The following ENPP1 variants were observed in gnomAD, a reference collection of about 807,000 sequenced individuals.
The protein encoded by ENPP1 is ectonucleotide pyrophosphatase/phosphodiesterase family member 1.
ENPP1 carries 73 observed loss-of-function variants against 122.8 expected under a neutral mutation model. That is an observed-to-expected ratio of 0.59 (90% CI 0.49 to 0.72). The LOEUF (loss-of-function observed/expected upper bound fraction) is 0.72. ENPP1 is among the 30% of genes least tolerant of loss of function. The pLI is 0.00. For synonymous variants in ENPP1, 367 were observed against 391.6 expected, an observed-to-expected ratio of 0.94 and a Z score of 0.74; for missense variants, 978 against 1,128.1, an observed-to-expected ratio of 0.87 and a Z score of 1.91.
chr6:131,826,916 A>C, intron 1 of ENPP1: 1 of 392,304 alleles, frequency 2.5e-6, no homozygotes, highest in East Asian at 6.0e-5. Flanking sequence ...AATACCCAGC[A>C]TGGGATTTTT....
At chr6:131,868,869 G>A (rs1011306029) in intron 12 of ENPP1, among the ~76,000 whole-genome samples, 4 of 152,168 alleles carry the variant, frequency 2.6e-5, no homozygotes, top group South Asian at 2.1e-4. Flanking sequence ...TAGGAGCAGC[G>A]TGCCTATGGA....
intron 1 of ENPP1, among the ~76,000 whole-genome samples, chr6:131,830,504 C>T (rs71572984): frequency 0.087 from 13,212 of 152,066 alleles, 734 homozygotes; most frequent in East Asian, 0.18. Context: ...CCATCACAGG[C>T]AGGGAAAGGA....
At chr6:131,818,442 C>T (rs1193356437) in intron 1 of ENPP1, among the ~76,000 whole-genome samples, 1 of 151,852 alleles carries the variant, frequency 6.6e-6, no homozygotes, top group South Asian at 2.1e-4. Flanking sequence ...GTCAGGAGAT[C>T]GAGACCATCC....
intron 1 of ENPP1, chr6:131,819,832 G>A (rs1781461700): frequency 4.9e-6 from 2 of 409,172 alleles, no homozygotes. Context: ...GCCATTGGAG[G>A]AGGACTGGGG....
At chr6:131,869,252 A>G in intron 12 of ENPP1, 106 bp from the exon 13 acceptor site, 1 of 1,011,688 alleles carries the variant, frequency 9.9e-7, no homozygotes, top group Non-Finnish European at 1.5e-6. Context: ...TGAGTGCTAC[A>G]CCCATGTTTA....
At chr6:131,859,074 C>T (rs1463139232) in intron 7 of ENPP1, among the ~76,000 whole-genome samples, 1 of 152,082 alleles carries the variant, frequency 6.6e-6, no homozygotes, top group Admixed American at 6.5e-5. Context: ...GCCAAAAAAC[C>T]TTCCCAAACT....
intron 10 of ENPP1, 124 bp downstream of exon 10, chr6:131,864,695 A>G (rs185201893): frequency 7.3e-6 from 6 of 824,922 alleles, no homozygotes; most frequent in Middle Eastern, 3.6e-4. Flanking sequence ...TAAATTCTTT[A>G]GTAAATGATC....
chr6:131,852,685 G>A (rs193233502), intron 5 of ENPP1, among the ~76,000 whole-genome samples: 2 of 152,194 alleles, frequency 1.3e-5, no homozygotes, highest in Admixed American at 6.5e-5. Flanking sequence ...TTAGTCTTTG[G>A]TATTGAAGAA....
chr6:131,893,949 C>CTTTTTTTTTTTTTTT lies in ENPP1; in HGVS notation c.*3454_*3468dup, dbSNP rs564304453. The CTTTTTTTTTTTTTTT allele has an allele frequency of 8.4e-5, 5 of 59,498 alleles. No individual in the cohort carries two copies. Among genetic ancestry groups the CTTTTTTTTTTTTTTT allele is most frequent in the Admixed American group, 2.4e-4 (1 of 4,088 alleles). The allele number at this position is 59,498 out of a possible 1,614,324, so 3.7% of individuals were successfully genotyped here. ...GTGAAACCTTTATTTATCTTGATTT[C>CTTTTTTTTTTTTTTT]TTTTTTTTTTTTTTTTTTTTTTTTT... On this transcript the variant is annotated 3_prime_UTR_variant, in exon 25 of 25. Transcript: ENST00000647893.
chr6:131,885,046 C>CT lies in ENPP1; in HGVS notation c.2429dup (p.Leu810PhefsTer13), dbSNP rs970617965. On this transcript the variant is annotated frameshift_variant, in exon 23 of 25. Coordinates refer to ENST00000647893, the MANE Select transcript of ENPP1 (RefSeq NM_006208.3). LOFTEE classifies it high-confidence loss of function. Reference sequence around the variant, plus strand: ...TTGATTATGATGGACGTTGTGATTCCTTAGAGAATCTGAGGCAGTAAGAAC... The same window carrying CT: ...TTGATTATGATGGACGTTGTGATTCCTTTAGAGAATCTGAGGCAGTAAGAAC... The CT allele has an allele frequency of 1.2e-6, 2 of 1,613,780 alleles. No homozygotes were observed. Among genetic ancestry groups the CT allele is most frequent in the African/African-American group, 2.7e-5 (2 of 74,862 alleles).
Position 131,867,981 on chromosome 6 carries a change from G to A in ENPP1, c.1165-37G>A, listed in dbSNP as rs759264729. ...TTATGTATAAATAGCCATTAGTGTG[G>A]AAGGTATCACATGAGGTTGTTGCTT... On this transcript the variant is annotated intron_variant, in intron 11 of 24. Coordinates refer to ENST00000647893, the MANE Select transcript of ENPP1 (RefSeq NM_006208.3). 2.6e-5 allele frequency: 33 copies of A among 1,254,974 alleles called. 1 individual carries two copies. The highest frequency in any genetic ancestry group is 1.9e-4 in the Middle Eastern group (1 of 5,360). 77.7% of individuals were successfully genotyped at this position (1,254,974 alleles called of 1,614,324 possible).
intron 1 of ENPP1, chr6:131,826,828 G>A (rs966600324): frequency 2.8e-5 from 11 of 390,448 alleles, no homozygotes; most frequent in African/African-American, 2.1e-4. Context: ...TGTTGAGGGA[G>A]AACACAGCCT....
chr6:131,894,099 A>G lies in ENPP1; in HGVS notation c.*3588A>G, dbSNP rs1398685978. On this transcript the variant is annotated 3_prime_UTR_variant, in exon 25 of 25. Coordinates refer to ENST00000647893, the MANE Select transcript of ENPP1 (RefSeq NM_006208.3). ...CTCCCGAGTAACTGGGACTACAGGC[A>G]CCTGCCGTCACGCCTGGCTAATTTT... The G allele has an allele frequency of 6.7e-6, 1 of 148,530 alleles. No individual in the cohort carries two copies. The highest frequency in any genetic ancestry group is 1.5e-5 in the Non-Finnish European group (1 of 67,462). 9.2% of individuals were successfully genotyped at this position (148,530 alleles called of 1,614,324 possible).
chr6:131,821,899 T>C (rs1340631062), intron 1 of ENPP1, among the ~76,000 whole-genome samples: 1 of 152,238 alleles, frequency 6.6e-6, no homozygotes, highest in East Asian at 1.9e-4. Flanking sequence ...TTAAATGTCC[T>C]TGGCCCAGAG....
chr6:131,866,125 C>A (rs1585828079), intron 11 of ENPP1, among the ~76,000 whole-genome samples: 1 of 152,088 alleles, frequency 6.6e-6, no homozygotes, highest in Non-Finnish European at 1.5e-5. Flanking sequence ...AGGATCTTGA[C>A]TATTTTGGGT....
chr6:131,845,267 G>A (rs376322818), intron 1 of ENPP1, among the ~76,000 whole-genome samples: 10 of 151,244 alleles, frequency 6.6e-5, no homozygotes, highest in African/African-American at 1.9e-4. Context: ...TCCTGACCTC[G>A]TGATCCACCT....
intron 1 of ENPP1, among the ~76,000 whole-genome samples, chr6:131,808,838 C>A (rs1359515317): frequency 6.6e-6 from 1 of 152,184 alleles, no homozygotes; most frequent in Admixed American, 6.5e-5. Flanking sequence ...ACTGAAGAAA[C>A]CTTTATGATT....
At chr6:131,856,571 G>A (rs9493112) in intron 6 of ENPP1, among the ~76,000 whole-genome samples, 30,324 of 128,076 alleles carry the variant, frequency 0.24, 7,156 homozygotes, top group African/African-American at 0.69. Context: ...GCCCATGCCT[G>A]TGTCCTGAAT....
intron 24 of ENPP1, among the ~76,000 whole-genome samples, chr6:131,889,781 T>G (rs935844673): frequency 6.6e-6 from 1 of 152,118 alleles, no homozygotes; most frequent in African/African-American, 2.4e-5. Context: ...AATAGAATGA[T>G]TTATATTCCT....
Sources: allele counts gnomAD v4.1 joint callset (sites outside exome capture counted in the v4.1 genomes callset), GRCh38; gene constraint gnomAD v4.1.1; transcripts MANE v1.5; gene names NCBI Gene and HGNC (gene_info 2026-07-23, HGNC 2026-07-21).